Variants in B3GALT1 observed in about 807,000 individuals in gnomAD.
B3GALT1 encodes UDP-Gal:betaGlcNAc beta 1,3-galactosyltransferase, polypeptide 1.
A neutral mutation model predicts 23.2 loss-of-function variants in B3GALT1; 10 were observed. The ratio of observed to expected loss-of-function variants is 0.43; its 90% CI spans 0.27 to 0.73. The LOEUF is 0.73. B3GALT1 is among the 30% of genes least tolerant of loss of function. The pLI, the probability that B3GALT1 is intolerant of heterozygous loss-of-function variation, is 0.21. For synonymous variants in B3GALT1, 156 were observed against 141.5 expected (o/e 1.10, Z -0.73); for missense variants, 299 against 405.4 (o/e 0.74, Z 2.25).
intron 1 of B3GALT1, among the ~76,000 whole-genome samples, chr2:167,403,416 C>T (rs1200788370): frequency 6.6e-6 from 1 of 151,806 alleles, no homozygotes. Context: ...TTAATCCAGT[C>T]TATCATTGAT....
intron 4 of B3GALT1, among the ~76,000 whole-genome samples, chr2:167,856,525 A>G (rs1032774261): frequency 6.6e-6 from 1 of 152,120 alleles, no homozygotes; most frequent in Non-Finnish European, 1.5e-5. Context: ...AGGTGTGAAG[A>G]GAAGAAAACA....
chr2:167,409,944 G>A (rs1574067915), intron 1 of B3GALT1, among the ~76,000 whole-genome samples: 1 of 152,020 alleles, frequency 6.6e-6, no homozygotes, highest in African/African-American at 2.4e-5. Flanking sequence ...CCCAAAGGAT[G>A]ATAAATCATT....
At chr2:167,735,841 A>G (rs34198164) in intron 3 of B3GALT1, among the ~76,000 whole-genome samples, 23,335 of 152,238 alleles carry the variant, frequency 0.15, 2,136 homozygotes, top group Non-Finnish European at 0.21. Context: ...TAACTTGCCA[A>G]TGGTCACCTA....
intron 1 of B3GALT1, among the ~76,000 whole-genome samples, chr2:167,346,034 AT>A (rs531111570): frequency 0.075 from 10,966 of 145,930 alleles, 1,054 homozygotes; most frequent in African/African-American, 0.23. Flanking sequence ...TATTTGTTGG[AT>A]TTTTTTTTTT....
intron 1 of B3GALT1, among the ~76,000 whole-genome samples, chr2:167,404,618 T>C (rs191357445): frequency 6.6e-6 from 1 of 152,312 alleles, no homozygotes; most frequent in Non-Finnish European, 1.5e-5. Context: ...TTCACTATAA[T>C]GTAAGTCCTC....
At chr2:167,564,719 G>A (rs1574141601) in intron 2 of B3GALT1, among the ~76,000 whole-genome samples, 1 of 152,142 alleles carries the variant, frequency 6.6e-6, no homozygotes, top group African/African-American at 2.4e-5. Flanking sequence ...ACCAATAACA[G>A]ACAGACAGCC....
At chr2:167,667,412 T>A (rs1300871592) in intron 3 of B3GALT1, among the ~76,000 whole-genome samples, 5 of 152,102 alleles carry the variant, frequency 3.3e-5, no homozygotes, top group African/African-American at 1.2e-4. Context: ...CTTTGGTGAA[T>A]CTGACAATTA....
chr2:167,804,795 A>G (rs1013343781), intron 3 of B3GALT1, among the ~76,000 whole-genome samples: 11 of 150,642 alleles, frequency 7.3e-5, no homozygotes, highest in African/African-American at 2.7e-4. Flanking sequence ...ATATGTGTGC[A>G]TGTGTCTTTA....
intron 1 of B3GALT1, among the ~76,000 whole-genome samples, chr2:167,380,086 G>A (rs182048666): frequency 5.3e-4 from 80 of 152,316 alleles, no homozygotes; most frequent in African/African-American, 1.9e-3. Context: ...TCCAGGAAGA[G>A]TAGGGTGGCT....
chr2:167,770,239 T>A (rs757107556), intron 3 of B3GALT1, among the ~76,000 whole-genome samples: 2 of 152,224 alleles, frequency 1.3e-5, no homozygotes, highest in Non-Finnish European at 2.9e-5. Flanking sequence ...CCCAAGTAGC[T>A]AGGACTGCAG....
At position 167,709,833 on chromosome 2, in the gene B3GALT1, C is replaced by T. The variant is rs73971233; in HGVS notation, c.-352+62867C>T. Among the ~76,000 whole-genome samples, 882 of 152,202 alleles carry T rather than the reference C, an allele frequency of 5.8e-3. 7 individuals are homozygous for T. The highest frequency in any genetic ancestry group is 0.02 in the African/African-American group (822 of 41,540). On this transcript the variant is annotated intron_variant, in intron 3 of 4. Transcript: ENST00000392690. ...CTCTACAACATGCTAAGACTCAGTT[C>T]ACCCATTTATGAAATGAGACAAATA...
At position 167,369,061 on chromosome 2, in the gene B3GALT1, TTGTGTGTGTGTGTGTGTGTGTGTG is replaced by T. The variant is rs60938716; in HGVS notation, c.-511+75751_-511+75774del. ...TGTATTGGGAAGATAAAACTCTTAT[TTGTGTGTGTGTGTGTGTGTGTGTG>T]TGTGTGTGTGTGTGTGTGTGTGTAT... On this transcript the variant is annotated intron_variant, in intron 1 of 4. Transcript: ENST00000392690. 1.6e-4 allele frequency among the ~76,000 whole-genome samples: 24 copies of T among 147,574 alleles called. No individual in the cohort carries two copies. The South Asian group carries it at 2.2e-3, about 13-fold the overall frequency.
intron 3 of B3GALT1, among the ~76,000 whole-genome samples, chr2:167,675,670 A>T (rs973157902): frequency 6.6e-6 from 1 of 151,852 alleles, no homozygotes; most frequent in Non-Finnish European, 1.5e-5. Context: ...AACCCCAAAA[A>T]CTCTGACCAA....
At chr2:167,446,889 G>C (rs1283578627) in intron 1 of B3GALT1, among the ~76,000 whole-genome samples, 2 of 152,146 alleles carry the variant, frequency 1.3e-5, no homozygotes, top group African/African-American at 4.8e-5. Flanking sequence ...ATCCAACTTT[G>C]TTGTGTTGCT....
At chr2:167,834,771 C>T (rs1448518177) in intron 4 of B3GALT1, among the ~76,000 whole-genome samples, 1 of 152,008 alleles carries the variant, frequency 6.6e-6, no homozygotes, top group Admixed American at 6.5e-5. Flanking sequence ...ACTGCTTGAA[C>T]CTAGGAGGTG....
intron 1 of B3GALT1, among the ~76,000 whole-genome samples, chr2:167,379,164 AG>A (rs1333601512): frequency 2.0e-5 from 3 of 152,116 alleles, no homozygotes; most frequent in Non-Finnish European, 4.4e-5. Context: ...CTTCTTCATA[AG>A]GGGGCAGGAA....
At chr2:167,810,842 T>A (rs1314524253) in intron 3 of B3GALT1, among the ~76,000 whole-genome samples, 1 of 152,172 alleles carries the variant, frequency 6.6e-6, no homozygotes, top group Non-Finnish European at 1.5e-5. Flanking sequence ...TTTCCTCCTA[T>A]CTGTCCTGTT....
At chr2:167,346,121 A>G (rs554767294) in intron 1 of B3GALT1, among the ~76,000 whole-genome samples, 1 of 152,068 alleles carries the variant, frequency 6.6e-6, no homozygotes, top group East Asian at 1.9e-4. Context: ...TATATTTTAC[A>G]CTTTTTTCCT....
At chr2:167,692,705 T>G (rs778309645) in intron 3 of B3GALT1, among the ~76,000 whole-genome samples, 8 of 152,108 alleles carry the variant, frequency 5.3e-5, no homozygotes, top group Non-Finnish European at 1.2e-4. Context: ...ATAACAATAA[T>G]AGAACTTTTC....
Sources: allele counts gnomAD v4.1 joint callset (sites outside exome capture counted in the v4.1 genomes callset), GRCh38; gene constraint gnomAD v4.1.1; transcripts MANE v1.5; gene names NCBI Gene and HGNC (gene_info 2026-07-23, HGNC 2026-07-21).